Variants in TLN2 observed in about 807,000 individuals in gnomAD.
TLN2 encodes talin 2.
Under a neutral mutation model 294.7 loss-of-function variants are expected in TLN2, and 118 were observed. The ratio of observed to expected loss-of-function variants is 0.40; its 90% CI spans 0.34 to 0.47. TLN2 has a LOEUF of 0.47. Among genes scored for constraint, TLN2 ranks in the 20% least tolerant of loss-of-function variants. The pLI, the probability that TLN2 is intolerant of heterozygous loss-of-function variation, is 0.84. For missense variants in TLN2, 3,083 were observed against 3,282.2 expected, an observed-to-expected ratio of 0.94 and a Z score of 1.48; for synonymous variants, 1,431 against 1,304.5, an observed-to-expected ratio of 1.10 and a Z score of -2.09.
chr15:62,776,724 C>T lies in TLN2; in HGVS notation c.5368-40C>T, dbSNP rs186239882. 318 of 1,428,418 alleles carry T rather than the reference C, an allele frequency of 2.2e-4. No individual in the cohort carries two copies. The African/African-American group carries it at 4.1e-3, about 18-fold the overall frequency. The allele number at this position is 1,428,418 out of a possible 1,614,324, so 88.5% of individuals were successfully genotyped here. On this transcript the variant is annotated intron_variant, in intron 42 of 58. Transcript: ENST00000636159. ...TATTCTTAGAAGACTGAGCACCGCT[C>T]TCTTCTGCTTAAGGAAATGTTTCAC...
intron 1 of TLN2, among the ~76,000 whole-genome samples, chr15:62,399,767 C>A (rs1194008191): frequency 2.0e-5 from 3 of 152,170 alleles, no homozygotes; most frequent in East Asian, 1.9e-4. Flanking sequence ...TTAGGCAATT[C>A]CTGTACCACC....
intron 1 of TLN2, among the ~76,000 whole-genome samples, chr15:62,547,272 T>A (rs16945258): frequency 3.3e-5 from 5 of 152,210 alleles, no homozygotes; most frequent in African/African-American, 1.2e-4. Flanking sequence ...GTCAAAATCC[T>A]TGTGCAGATA....
At chr15:62,428,869 A>G (rs1175106737) in intron 1 of TLN2, among the ~76,000 whole-genome samples, 3 of 152,166 alleles carry the variant, frequency 2.0e-5, no homozygotes, top group Non-Finnish European at 2.9e-5. Flanking sequence ...TGAATTTAGT[A>G]TGCATTAATT....
chr15:62,438,783 C>T (rs1363318527), intron 1 of TLN2, among the ~76,000 whole-genome samples: 1 of 152,176 alleles, frequency 6.6e-6, no homozygotes, highest in African/African-American at 2.4e-5. Context: ...ATGCCTGGAC[C>T]AGGACAGATG....
chr15:62,784,284 G>A (rs1418040117), intron 45 of TLN2: 2 of 326,448 alleles, frequency 6.1e-6, no homozygotes, highest in African/African-American at 4.2e-5. Context: ...GTTCACAGAA[G>A]TGTTGAAAGA....
intron 1 of TLN2, among the ~76,000 whole-genome samples, chr15:62,443,176 G>T (rs2035641168): frequency 6.6e-6 from 1 of 152,202 alleles, no homozygotes; most frequent in South Asian, 2.1e-4. Flanking sequence ...GAGGATTGGG[G>T]TGTGAATATT....
chr15:62,810,024 G>A lies in TLN2; in HGVS notation c.6763G>A (p.Val2255Ile), dbSNP rs369403198. 20 of 1,613,804 alleles carry A rather than the reference G, an allele frequency of 1.2e-5. No individual in the cohort carries two copies. The highest frequency in any genetic ancestry group is 2.7e-5 in the African/African-American group (2 of 74,902). ...TLGYLDLLEHVLVILQKPTPE... is the reference protein window; with the variant it reads ...TLGYLDLLEHILVILQKPTPE... ...TGGCTACTTGGACCTCCTGGAGCAC[G>A]TCTTGGTGGTAAGAAAGCGCATGAG... is the stretch of plus-strand genomic sequence containing the variant. The change falls in exon 52 of 59, where the codon GTC becomes ATC. Residue 2255 changes from valine to isoleucine, a missense_variant. Physicochemically the swap from Val to Ile is conservative, Grantham distance 29. Coordinates refer to ENST00000636159, the MANE Select transcript of TLN2 (RefSeq NM_015059.3).
At chr15:62,510,762 C>T (rs1258977100) in intron 1 of TLN2, among the ~76,000 whole-genome samples, 1 of 152,218 alleles carries the variant, frequency 6.6e-6, no homozygotes, top group African/African-American at 2.4e-5. Flanking sequence ...TGCCTGCCCC[C>T]AGTGCCTCCA....
intron 1 of TLN2, among the ~76,000 whole-genome samples, chr15:62,558,767 T>G (rs909412381): frequency 2.2e-4 from 34 of 152,194 alleles, no homozygotes; most frequent in Middle Eastern, 3.4e-3. Flanking sequence ...GATAAGTAAC[T>G]GCAGATAACG....
chr15:62,426,500 G>A (rs2034717302), intron 1 of TLN2, among the ~76,000 whole-genome samples: 1 of 152,176 alleles, frequency 6.6e-6, no homozygotes, highest in African/African-American at 2.4e-5. Context: ...GGGGAAAAGA[G>A]GTAATGTGGA....
intron 2 of TLN2, among the ~76,000 whole-genome samples, chr15:62,603,276 G>A (rs12915312): frequency 3.3e-5 from 5 of 152,104 alleles, no homozygotes; most frequent in Non-Finnish European, 5.9e-5. Context: ...ACGGTTTATC[G>A]TTGTAGTGGT....
intron 1 of TLN2, among the ~76,000 whole-genome samples, chr15:62,406,765 A>T (rs2033433527): frequency 6.6e-6 from 1 of 152,054 alleles, no homozygotes; most frequent in African/African-American, 2.4e-5. Flanking sequence ...CTGATCTGTA[A>T]GCCCTGTCTC....
At chr15:62,695,408 G>A (rs1271725866) in intron 14 of TLN2, among the ~76,000 whole-genome samples, 2 of 152,170 alleles carry the variant, frequency 1.3e-5, no homozygotes, top group African/African-American at 4.8e-5. Context: ...GATGCTCTGG[G>A]CAGTGGAGGA....
Position 62,465,501 on chromosome 15 carries a change from G to A in TLN2, c.-238+74816G>A, listed in dbSNP as rs145116730. Among the ~76,000 whole-genome samples the A allele has an allele frequency of 1.9e-3, 294 of 152,310 alleles. 3 individuals are homozygous for A. Among genetic ancestry groups the A allele is most frequent in the Middle Eastern group, 3.4e-3 (1 of 294 alleles). The stretch of plus-strand genomic sequence containing the variant: ...ACATTTTACATGTAAAACAGTCCCT[G>A]TGTTCTGTCGTTCTCGAAACTATCG... On this transcript the variant is annotated intron_variant, in intron 1 of 58. Coordinates refer to ENST00000636159, the MANE Select transcript of TLN2 (RefSeq NM_015059.3).
intron 27 of TLN2, among the ~76,000 whole-genome samples, chr15:62,725,580 A>C (rs1008548234): frequency 2.0e-5 from 3 of 152,158 alleles, no homozygotes; most frequent in African/African-American, 7.2e-5. Flanking sequence ...GTTGGCTAAA[A>C]CTTTACCAGT....
intron 52 of TLN2, among the ~76,000 whole-genome samples, chr15:62,810,927 C>T (rs979130234): frequency 6.6e-6 from 1 of 152,156 alleles, no homozygotes; most frequent in Non-Finnish European, 1.5e-5. Context: ...GGAGGAGTGC[C>T]AAGCCCTTCA....
chr15:62,553,445 A>G (rs1208793461), intron 1 of TLN2, among the ~76,000 whole-genome samples: 5 of 152,200 alleles, frequency 3.3e-5, no homozygotes, highest in East Asian at 1.9e-4. Context: ...AGATCACGCC[A>G]TTGCACTCCA....
chr15:62,737,378 T>C (rs774730610), intron 29 of TLN2, among the ~76,000 whole-genome samples: 2 of 152,208 alleles, frequency 1.3e-5, no homozygotes, highest in Non-Finnish European at 2.9e-5. Context: ...CATGCTTGTT[T>C]TGGGCCTATG....
chr15:62,390,833 A>T (rs932241811), intron 1 of TLN2, 148 bp downstream of exon 1: 1 of 152,148 alleles, frequency 6.6e-6, no homozygotes, highest in Non-Finnish European at 1.5e-5. Flanking sequence ...ATGCCAATGC[A>T]GGAAAAACCC....
Sources: allele counts gnomAD v4.1 joint callset (sites outside exome capture counted in the v4.1 genomes callset), GRCh38; gene constraint gnomAD v4.1.1; transcripts MANE v1.5; gene names NCBI Gene and HGNC (gene_info 2026-07-23, HGNC 2026-07-21).